CELSR1: variants seen among roughly 807,000 people sequenced by gnomAD.
CELSR1 encodes adhesion G protein-coupled receptor C1.
In CELSR1, 110 loss-of-function variants were observed where a neutral mutation model predicts 249.1. That is an observed-to-expected ratio of 0.44 (90% CI 0.38 to 0.52). The LOEUF (loss-of-function observed/expected upper bound fraction) is 0.52. CELSR1 is among the 20% of genes least tolerant of loss of function. CELSR1 has a pLI of 0.00. For missense variants in CELSR1, 4,109 were observed against 4,296.4 expected (o/e 0.96, Z 1.22); for synonymous variants, 2,113 against 1,900.0 (o/e 1.11, Z -2.92).
At position 46,464,486 on chromosome 22, in the gene CELSR1, T is replaced by G. The variant is rs532089089; in HGVS notation, c.3545-141A>C. ...ATCCCCACTCCCCATTCCCCACCCA[T>G]GACCACCACCTTGACCCTTCCTCCT... On this transcript the variant is annotated intron_variant, in intron 1 of 34. Transcript: ENST00000674500. This position sits in a 1 kb window ranked among gnomAD's most constrained non-coding sequence, Gnocchi z 8.5. 1 of 838,474 alleles carries G rather than the reference T, an allele frequency of 1.2e-6. No homozygotes were observed. Among genetic ancestry groups the G allele is most frequent in the African/African-American group, 1.7e-5 (1 of 57,780 alleles). 51.9% of individuals were successfully genotyped at this position (838,474 alleles called of 1,614,324 possible).
At position 46,464,225 on chromosome 22, in the gene CELSR1, G is replaced by A. The variant is rs777667785; in HGVS notation, c.3665C>T (p.Pro1222Leu). 13 of 1,613,674 alleles carry A rather than the reference G, an allele frequency of 8.1e-6. No homozygotes were observed. The highest frequency in any genetic ancestry group is 1.7e-5 in the Admixed American group (1 of 60,004). ...CCCCTCCACGAAGAGGGCCAGCAGC[G>A]GGGACAGGAACTTCTCCTGGGACAT... ...ENMSQEKFLS[P>L]LLALFVEGVA... The change falls in exon 2 of 35, where the codon CCG (proline) becomes CTG (leucine). Residue 1222 changes from proline (P) to leucine (L), a missense_variant. Physicochemically the swap from Pro to Leu is moderately conservative, Grantham distance 98. Transcript: ENST00000674500. The surrounding 1 kb of genome is among the most constrained non-coding windows in gnomAD (Gnocchi z 8.5).
rs780185603 is a variant in CELSR1, at chr22:46,377,247, C to G, written c.7398G>C (p.Leu2466=). ...CGGCATAGGTGACAATCTTCAGAGGCAGGACCTCCCCGTTCTATGGGCAGG... is the reference window on the plus strand; with the variant it reads ...CGGCATAGGTGACAATCTTCAGAGGGAGGACCTCCCCGTTCTATGGGCAGG... ...DISRRENGEV[L]PLKIVTYAAV... The change falls in exon 24 of 35, where the codon CTG becomes CTC. Residue 2466 remains leucine, a synonymous_variant. Transcript: ENST00000674500. 4 of 1,613,944 alleles carry G rather than the reference C, an allele frequency of 2.5e-6. No homozygotes were observed. The highest frequency in any genetic ancestry group is 1.1e-5 in the South Asian group (1 of 91,070).
intron 1 of CELSR1, among the ~76,000 whole-genome samples, chr22:46,499,488 CAGCAA>C (rs2080445832): frequency 6.6e-6 from 1 of 152,202 alleles, no homozygotes; most frequent in South Asian, 2.1e-4. Flanking sequence ...GAATATCAAT[CAGCAA>C]AGCACTTTTT....
At chr22:46,524,273 A>G (rs2080715237) in intron 1 of CELSR1, among the ~76,000 whole-genome samples, 1 of 152,202 alleles carries the variant, frequency 6.6e-6, no homozygotes, top group Non-Finnish European at 1.5e-5. Context: ...GGAAGCACAC[A>G]GACCCAGGCG....
chr22:46,373,702 A>T (rs1163818971), intron 24 of CELSR1, among the ~76,000 whole-genome samples: 1 of 75,154 alleles, frequency 1.3e-5, no homozygotes, highest in African/African-American at 4.9e-5. Context: ...GAAGGGGGAG[A>T]TGGGGGAGAT....
At chr22:46,377,617 CAT>C in intron 23 of CELSR1, 1 of 317,056 alleles carries the variant, frequency 3.2e-6, no homozygotes, top group Admixed American at 4.3e-5. Flanking sequence ...CCTTGGCCCA[CAT>C]GTCACCTGGC....
Position 46,534,952 on chromosome 22 carries a change from CCT to C in CELSR1, c.2217_2218del (p.Gly741ArgfsTer40). On this transcript the variant is annotated frameshift_variant, in exon 1 of 35. Transcript: ENST00000674500. LOFTEE classifies it high-confidence loss of function. The surrounding 1 kb of genome is among the most constrained non-coding windows in gnomAD (Gnocchi z 9.7). ...TAGCGCCAGGGTGATGAGGCCGCCC[CCT>C]CTCTGGCTGCTGAGTGCAAAGCGGT... 6.2e-7 allele frequency: 1 copy of C among 1,612,482 alleles called. No individual in the cohort carries two copies. The highest frequency in any genetic ancestry group is 8.5e-7 in the Non-Finnish European group (1 of 1,179,910).
intron 1 of CELSR1, among the ~76,000 whole-genome samples, chr22:46,499,932 G>C (rs2080450291): frequency 6.6e-6 from 1 of 152,110 alleles, no homozygotes; most frequent in African/African-American, 2.4e-5. Flanking sequence ...GAACACGCCA[G>C]GCTCCAGGAG....
At chr22:46,463,080 T>C (rs1174082120) in intron 2 of CELSR1, among the ~76,000 whole-genome samples, 3 of 152,234 alleles carry the variant, frequency 2.0e-5, no homozygotes, top group Non-Finnish European at 4.4e-5. Context: ...ACTCATGTCA[T>C]TTCATGCGTT....
chr22:46,457,143 G>T (rs750821633), intron 2 of CELSR1, among the ~76,000 whole-genome samples: 3 of 152,158 alleles, frequency 2.0e-5, no homozygotes, highest in Non-Finnish European at 4.4e-5. Flanking sequence ...TCAGGAGTTC[G>T]AGAACAGCTT....
At chr22:46,418,019 G>A (rs1258622802) in intron 5 of CELSR1, among the ~76,000 whole-genome samples, 1 of 152,234 alleles carries the variant, frequency 6.6e-6, no homozygotes, top group Non-Finnish European at 1.5e-5. Flanking sequence ...CTGTACAACT[G>A]GGGGTAAAAA....
rs1311887918 is a variant in CELSR1, at chr22:46,526,614, T to A, written c.3544+7013A>T. Among the ~76,000 whole-genome samples the A allele has an allele frequency of 6.6e-6, 1 of 152,212 alleles. No individual in the cohort carries two copies. Among genetic ancestry groups the A allele is most frequent in the Non-Finnish European group, 1.5e-5 (1 of 68,026 alleles). Reference sequence around the variant, plus strand: ...ACCGCCAGACGGCATCCATCACGGATGACCCCCTCGGAGACACTCGCCCTC... The same window carrying A: ...ACCGCCAGACGGCATCCATCACGGAAGACCCCCTCGGAGACACTCGCCCTC... On this transcript the variant is annotated intron_variant, in intron 1 of 34. Coordinates refer to ENST00000674500, the MANE Select transcript of CELSR1 (RefSeq NM_001378328.1). The surrounding 1 kb of genome is among the most constrained non-coding windows in gnomAD (Gnocchi z 4.7).
chr22:46,372,381 C>T (rs1212974224), intron 25 of CELSR1, among the ~76,000 whole-genome samples: 1 of 142,178 alleles, frequency 7.0e-6, no homozygotes, highest in Non-Finnish European at 1.6e-5. Flanking sequence ...TCCACTCACT[C>T]ACCCCATCTA....
chr22:46,456,679 A>C (rs1386270919), intron 2 of CELSR1, among the ~76,000 whole-genome samples: 1 of 151,254 alleles, frequency 6.6e-6, no homozygotes, highest in Non-Finnish European at 1.5e-5. Context: ...AAAAAAAAAA[A>C]AAAAAAAAGA....
chr22:46,410,011 C>T lies in CELSR1; in HGVS notation c.4934-131G>A. On this transcript the variant is annotated intron_variant, in intron 7 of 34. Transcript: ENST00000674500. The surrounding 1 kb of genome is among the most constrained non-coding windows in gnomAD (Gnocchi z 6.8). ...ACAGAAGTCAGACCAGGTCTGAACG[C>T]CCCTGGCAACGGCAGGAACATGGGA... 8.6e-7 allele frequency: 1 copy of T among 1,158,652 alleles called. No homozygotes were observed. The highest frequency in any genetic ancestry group is 1.2e-6 in the Non-Finnish European group (1 of 818,026). 71.8% of individuals were successfully genotyped at this position (1,158,652 alleles called of 1,614,324 possible).
rs1201833964 is a variant in CELSR1 at position 46,518,140 on chromosome 22, G to A, written c.3544+15487C>T. 1.3e-5 allele frequency among the ~76,000 whole-genome samples: 2 copies of A among 152,106 alleles called. No homozygotes were observed. Among genetic ancestry groups the A allele is most frequent in the Non-Finnish European group, 2.9e-5 (2 of 68,020 alleles). ...GGCTGGTCTCGAACTCGTGACCTCA[G>A]GTGATGTGATCCATCCATCTCGACC... On this transcript the variant is annotated intron_variant, in intron 1 of 34. Transcript: ENST00000674500. This position sits in a 1 kb window ranked among gnomAD's most constrained non-coding sequence, Gnocchi z 5.2.
At chr22:46,510,214 A>T (rs73453933) in intron 1 of CELSR1, among the ~76,000 whole-genome samples, 3,470 of 152,150 alleles carry the variant, frequency 0.023, 136 homozygotes, top group African/African-American at 0.08. Flanking sequence ...AAATAAAAAA[A>T]TGATTTTTTT....
At chr22:46,477,390 T>C (rs1312552783) in intron 1 of CELSR1, among the ~76,000 whole-genome samples, 1 of 152,264 alleles carries the variant, frequency 6.6e-6, no homozygotes, top group Non-Finnish European at 1.5e-5. Flanking sequence ...AGGCATTCGT[T>C]TCCTGAACAG....
rs900140329 is a variant in CELSR1, at chr22:46,518,394, A to G, written c.3544+15233T>C. The stretch of plus-strand genomic sequence containing the variant: ...AAGGGAGTGGGCTCCCACAGACCAC[A>G]TTGCACTGCGACAAGGCAAACCGAT... On this transcript the variant is annotated intron_variant, in intron 1 of 34. Transcript: ENST00000674500. This position sits in a 1 kb window ranked among gnomAD's most constrained non-coding sequence, Gnocchi z 5.2. Among the ~76,000 whole-genome samples, 53 of 152,342 alleles carry G rather than the reference A, an allele frequency of 3.5e-4. No individual in the cohort carries two copies. Among genetic ancestry groups the G allele is most frequent in the African/African-American group, 1.3e-3 (52 of 41,580 alleles).
Sources: allele counts gnomAD v4.1 joint callset (sites outside exome capture counted in the v4.1 genomes callset), GRCh38; gene constraint gnomAD v4.1.1; non-coding constraint Gnocchi (gnomAD v3.1); transcripts MANE v1.5; gene names NCBI Gene and HGNC (gene_info 2026-07-23, HGNC 2026-07-21).